Variants in MACROD2 observed in about 807,000 individuals in gnomAD.
MACROD2 encodes the protein ADP-ribose glycohydrolase MACROD2.
A neutral mutation model predicts 70.4 loss-of-function variants in MACROD2; 36 were observed. The ratio of observed to expected loss-of-function variants is 0.51; its 90% confidence interval spans 0.39 to 0.68. MACROD2 has a LOEUF of 0.68. MACROD2 is among the 30% of genes least tolerant of loss of function. The pLI is 0.00. For missense variants in MACROD2, 496 were observed against 538.4 expected (o/e 0.92, Z 0.78); for synonymous variants, 172 against 178.8 (o/e 0.96, Z 0.30).
chr20:16,009,994 A>AGGTC (rs1428439990), intron 15 of MACROD2, among the ~76,000 whole-genome samples: 1 of 152,194 alleles, frequency 6.6e-6, no homozygotes, highest in Non-Finnish European at 1.5e-5. Context: ...TAATCCTTGT[A>AGGTC]GGTCATTCCT....
chr20:14,663,366 A>G (rs1214393406), intron 4 of MACROD2, among the ~76,000 whole-genome samples: 1 of 151,946 alleles, frequency 6.6e-6, no homozygotes, highest in Non-Finnish European at 1.5e-5. Context: ...ATCAGGAAAA[A>G]TAATGAATGG....
At chr20:15,859,919 A>T (rs2064402402) in intron 8 of MACROD2, among the ~76,000 whole-genome samples, 2 of 152,170 alleles carry the variant, frequency 1.3e-5, no homozygotes, top group African/African-American at 4.8e-5. Context: ...GCAGATCACG[A>T]GGTCAGGAGA....
chr20:15,711,905 G>A (rs13433242), intron 8 of MACROD2, among the ~76,000 whole-genome samples: 13,343 of 152,114 alleles, frequency 0.088, 925 homozygotes, highest in African/African-American at 0.18. Context: ...ACATTAGCAT[G>A]TTTTTTCCTC....
chr20:15,384,085 T>C (rs556645266), intron 6 of MACROD2, among the ~76,000 whole-genome samples: 1 of 152,292 alleles, frequency 6.6e-6, no homozygotes, highest in South Asian at 2.1e-4. Context: ...GAATGGAGGC[T>C]TTGGGAACTC....
At chr20:14,564,391 A>G (rs1979638587) in intron 4 of MACROD2, among the ~76,000 whole-genome samples, 2 of 152,030 alleles carry the variant, frequency 1.3e-5, no homozygotes, top group African/African-American at 4.8e-5. Context: ...TAAAGAAATA[A>G]TTAACAGAGT....
chr20:14,512,331 A>G (rs2085040481), intron 4 of MACROD2, among the ~76,000 whole-genome samples: 1 of 57,816 alleles, frequency 1.7e-5, no homozygotes, highest in Non-Finnish European at 3.2e-5. Flanking sequence ...AATTCGTAGT[A>G]TGGGAGTTTC....
chr20:15,862,571 C>T (rs1038119450), intron 8 of MACROD2, among the ~76,000 whole-genome samples, 174 bp from the exon 9 acceptor site: 22 of 152,264 alleles, frequency 1.4e-4, no homozygotes, highest in South Asian at 2.1e-4. Context: ...CACACACACA[C>T]ACACACATTC....
intron 8 of MACROD2, among the ~76,000 whole-genome samples, chr20:15,684,364 A>G (rs1189380930): frequency 6.6e-6 from 1 of 152,226 alleles, no homozygotes; most frequent in Non-Finnish European, 1.5e-5. Context: ...GCAAAATGCC[A>G]TACCTAAAAG....
At chr20:14,343,631 G>T (rs1302684763) in intron 3 of MACROD2, among the ~76,000 whole-genome samples, 1 of 152,192 alleles carries the variant, frequency 6.6e-6, no homozygotes, top group Non-Finnish European at 1.5e-5. Flanking sequence ...TTTGAGAAAT[G>T]CTTCTGCCTT....
intron 8 of MACROD2, among the ~76,000 whole-genome samples, chr20:15,568,172 T>C (rs111943013): frequency 6.6e-6 from 1 of 152,232 alleles, no homozygotes; most frequent in African/African-American, 2.4e-5. Flanking sequence ...TTCTCTATCA[T>C]GGCAAAGATG....
intron 6 of MACROD2, among the ~76,000 whole-genome samples, chr20:15,247,252 TA>T (rs1191472974): frequency 1.3e-5 from 2 of 152,186 alleles, no homozygotes; most frequent in African/African-American, 4.8e-5. Context: ...AGGATTGTTG[TA>T]GGAATGAAAT....
chr20:14,586,314 A>G (rs1379729762), intron 4 of MACROD2, among the ~76,000 whole-genome samples: 1 of 152,040 alleles, frequency 6.6e-6, no homozygotes, highest in Non-Finnish European at 1.5e-5. Flanking sequence ...TATTCTTTGA[A>G]TAAATGACTC....
intron 3 of MACROD2, among the ~76,000 whole-genome samples, chr20:14,142,274 G>A (rs974518767): frequency 2.0e-5 from 3 of 152,134 alleles, no homozygotes; most frequent in African/African-American, 2.4e-5. Context: ...GAGGTGACTC[G>A]TTTTTGTCAC....
chr20:14,953,945 G>C (rs930941027), intron 5 of MACROD2, among the ~76,000 whole-genome samples: 1 of 152,162 alleles, frequency 6.6e-6, no homozygotes, highest in Non-Finnish European at 1.5e-5. Flanking sequence ...TGAGATGAGT[G>C]AGTGTTCATT....
intron 5 of MACROD2, among the ~76,000 whole-genome samples, chr20:15,040,756 C>G (rs1250383992): frequency 6.6e-6 from 1 of 152,152 alleles, no homozygotes; most frequent in African/African-American, 2.4e-5. Flanking sequence ...AGCATCTTAG[C>G]TATGCTCAAT....
At chr20:14,322,248 GA>G (rs1474914516) in intron 3 of MACROD2, among the ~76,000 whole-genome samples, 3 of 134,116 alleles carry the variant, frequency 2.2e-5, no homozygotes, top group South Asian at 2.3e-4. Flanking sequence ...CGTAGGTAAA[GA>G]AAAAACTTGT....
chr20:14,186,349 A>G (rs963691108), intron 3 of MACROD2, among the ~76,000 whole-genome samples: 1 of 152,106 alleles, frequency 6.6e-6, no homozygotes, highest in Admixed American at 6.6e-5. Flanking sequence ...AAAATAGATG[A>G]AAAAATGCTC....
At chr20:14,268,601 A>G (rs1324758224) in intron 3 of MACROD2, among the ~76,000 whole-genome samples, 1 of 152,158 alleles carries the variant, frequency 6.6e-6, no homozygotes, top group Non-Finnish European at 1.5e-5. Context: ...CTATAAACTG[A>G]TATTTTAGGA....
intron 7 of MACROD2, among the ~76,000 whole-genome samples, chr20:15,479,536 G>T (rs925364800): frequency 6.6e-5 from 10 of 151,988 alleles, no homozygotes; most frequent in Non-Finnish European, 1.5e-4. Flanking sequence ...GCCTCCCAAA[G>T]TGCTGGGATT....
Sources: allele counts gnomAD v4.1 joint callset (sites outside exome capture counted in the v4.1 genomes callset), GRCh38; gene constraint gnomAD v4.1.1; transcripts MANE v1.5; gene names NCBI Gene and HGNC (gene_info 2026-07-23, HGNC 2026-07-21).